The following MROH1 variants were observed in gnomAD, a reference collection of about 807,000 sequenced individuals.
MROH1 encodes maestro heat like repeat family member 1, also known as maestro heat-like repeat-containing protein family member 1.
In MROH1, 117 loss-of-function variants were observed where a neutral mutation model predicts 116.5. That is an observed-to-expected ratio of 1.00 (90% CI 0.86 to 1.17). The LOEUF is 1.17. MROH1 is among the 50% of genes most tolerant of loss of function. The pLI is 0.00. For missense variants in MROH1, 1,873 were observed against 1,338.5 expected (o/e 1.40, Z -6.23); for synonymous variants, 921 against 583.9 (o/e 1.58, Z -8.32).
intron 4 of MROH1, among the ~76,000 whole-genome samples, 185 bp downstream of exon 4, chr8:144,168,625 T>TG (rs568453335): frequency 2.6e-3 from 392 of 152,186 alleles, no homozygotes; most frequent in African/African-American, 9.2e-3. Flanking sequence ...TCATCATGAG[T>TG]GGGGTATGGC....
chr8:144,259,476 G>A (rs1844558278), intron 37 of MROH1, 122 bp downstream of exon 37: 1 of 692,568 alleles, frequency 1.4e-6, no homozygotes, highest in Non-Finnish European at 2.6e-6. Flanking sequence ...GGGAGGTTAT[G>A]TGGATGCTAG....
intron 15 of MROH1, 29 bp downstream of exon 15, chr8:144,238,892 G>T: frequency 1.3e-6 from 1 of 770,476 alleles, no homozygotes. Flanking sequence ...TCCCTGCCTG[G>T]CGACAACAGA....
At chr8:144,150,544 C>A (rs1300139465) in intron 1 of MROH1, among the ~76,000 whole-genome samples, 1 of 152,366 alleles carries the variant, frequency 6.6e-6, no homozygotes, top group South Asian at 2.1e-4. Flanking sequence ...CCCCTGTCCT[C>A]AGCACGTCAG....
intron 4 of MROH1, among the ~76,000 whole-genome samples, chr8:144,169,914 A>G (rs535180034): frequency 3.7e-4 from 57 of 152,264 alleles, no homozygotes; most frequent in African/African-American, 1.1e-3. Flanking sequence ...GCTCACTGCA[A>G]CCTCCACCTC....
At chr8:144,174,763 G>A (rs1300123541) in intron 4 of MROH1, 3 of 910,174 alleles carry the variant, frequency 3.3e-6, no homozygotes, top group Admixed American at 6.2e-5. Flanking sequence ...GGTTACAGGT[G>A]TGAGCCACTG....
In MROH1 at chr8:144,243,545, G is replaced by A. The variant is rs1222891627; in HGVS notation, c.2404G>A (p.Ala802Thr). The change falls in exon 25 of 44, where the codon GCC becomes ACC. Residue 802 changes from alanine (A) to threonine (T), a missense_variant. Ala to Thr is a moderately conservative substitution (Grantham distance 58). Coordinates refer to ENST00000326134, the MANE Select transcript of MROH1 (RefSeq NM_032450.3). ...LVQSVCMVSR[A>T]ICSSTQAGSF... ...CCAGAGTGTGTGCATGGTCAGCCGCGCCATCTGCAGCAGCACCCAGGCTGG... is the reference window on the plus strand; with the variant it reads ...CCAGAGTGTGTGCATGGTCAGCCGCACCATCTGCAGCAGCACCCAGGCTGG... 9 of 780,062 alleles carry A rather than the reference G, an allele frequency of 1.2e-5. No homozygotes were observed. The highest frequency in any genetic ancestry group is 3.4e-5 in the African/African-American group (2 of 59,142). 48.3% of individuals were successfully genotyped at this position (780,062 alleles called of 1,614,324 possible).
intron 10 of MROH1, chr8:144,193,230 G>A (rs919888767): frequency 2.0e-5 from 3 of 152,620 alleles, no homozygotes; most frequent in Admixed American, 6.5e-5. Flanking sequence ...GTATGAAATG[G>A]TTAGGTTCCT....
rs1841176730 is a variant in MROH1 at position 144,242,476 on chromosome 8, A to G, written c.2286A>G (p.Ser762=). ...AGCTGGTGCTGGCCAAGGTAGAGTC[A>G]GACATCCTCCGGAACATCTGCCAGC... is the stretch of plus-strand genomic sequence containing the variant. ...PRELVLAKVE[S]DILRNICQHF... is the part of the protein sequence containing the mutation. The change falls in exon 23 of 44, where the codon TCA becomes TCG. Residue 762 remains serine (S), a synonymous_variant. Transcript: ENST00000326134. The G allele has an allele frequency of 1.0e-5, 8 of 780,600 alleles. No individual in the cohort carries two copies. The highest frequency in any genetic ancestry group is 1.7e-5 in the African/African-American group (1 of 59,162). 48.4% of individuals were successfully genotyped at this position (780,600 alleles called of 1,614,324 possible).
At position 144,148,052 on chromosome 8, in the gene MROH1, G is replaced by A. The variant is rs1800517010; in HGVS notation, c.-201G>A. ...CTGCTGGGCGGGAAGGCGGCGCCCCGGCCGAGGTGGCGGCGGCTCCTCAGG... is the reference window on the plus strand; with the variant it reads ...CTGCTGGGCGGGAAGGCGGCGCCCCAGCCGAGGTGGCGGCGGCTCCTCAGG... On this transcript the variant is annotated 5_prime_UTR_variant, in exon 1 of 44. Coordinates refer to ENST00000326134, the MANE Select transcript of MROH1 (RefSeq NM_032450.3). The A allele has an allele frequency of 1.3e-5, 2 of 152,238 alleles. No homozygotes were observed. Among genetic ancestry groups the A allele is most frequent in the African/African-American group, 2.4e-5 (1 of 41,432 alleles). 9.4% of individuals were successfully genotyped at this position (152,238 alleles called of 1,614,324 possible). A position where few individuals can be genotyped will look rare whatever the true frequency, so the allele number is the denominator to read the frequency against.
chr8:144,250,363 A>C lies in MROH1; in HGVS notation c.3425A>C (p.Asp1142Ala), dbSNP rs2133157105. Residue 1142 changes from aspartate (D) to alanine (A), a missense_variant, in exon 33 of 44, where the codon GAC (aspartate) becomes GCC (alanine). By Grantham distance (126) the Asp-to-Ala change is moderately radical. Coordinates refer to ENST00000326134, the MANE Select transcript of MROH1 (RefSeq NM_032450.3). ...CTCCTGGGCAGCCCCTTGCCCTTGG[A>C]CAGGTACCCAGCTCAGACTCCAGGC... ...SSLLGSPLPL[D>A]SHTCMLWRAL... 2.6e-6 allele frequency: 2 copies of C among 762,770 alleles called. No homozygotes were observed. The highest frequency in any genetic ancestry group is 4.9e-5 in the East Asian group (2 of 40,634). The allele number at this position is 762,770 out of a possible 1,614,324, so 47.3% of individuals were successfully genotyped here. A position where few individuals can be genotyped will look rare whatever the true frequency, so the allele number is the denominator to read the frequency against.
chr8:144,153,246 A>C (rs1296881205), intron 1 of MROH1, among the ~76,000 whole-genome samples: 9 of 151,382 alleles, frequency 5.9e-5, no homozygotes, highest in African/African-American at 2.2e-4. Flanking sequence ...GCCCAGGCTG[A>C]AGTGTAATGG....
chr8:144,224,294 G>T (rs890422665), intron 14 of MROH1, among the ~76,000 whole-genome samples: 1 of 152,092 alleles, frequency 6.6e-6, no homozygotes. Flanking sequence ...TTTTGAGACA[G>T]GGTCTCGCTC....
rs1297106821 is a variant in MROH1 at position 144,182,150 on chromosome 8, G to A, written c.562+1627G>A. Among the ~76,000 whole-genome samples the A allele has an allele frequency of 6.7e-6, 1 of 149,588 alleles. No individual in the cohort carries two copies. On this transcript the variant is annotated intron_variant, in intron 7 of 43. Coordinates refer to ENST00000326134, the MANE Select transcript of MROH1 (RefSeq NM_032450.3). The surrounding 1 kb of genome is among the most constrained non-coding windows in gnomAD (Gnocchi z 4.1). ...GGGGCCAGAGGAAGCCGTATCAACC[G>A]GGTGAGGCCTAGTGGTGGGGGCGGT...
chr8:144,185,123 C>T (rs1417034895), intron 7 of MROH1, among the ~76,000 whole-genome samples: 15 of 152,188 alleles, frequency 9.9e-5, no homozygotes, highest in Admixed American at 9.2e-4. Flanking sequence ...TGCAGTGTTG[C>T]AGTCCCAGGA....
In MROH1 at chr8:144,220,595, T is replaced by A; in HGVS notation, c.1142-5T>A. The A allele has an allele frequency of 6.4e-7, 1 of 1,567,892 alleles. No homozygotes were observed. The highest frequency in any genetic ancestry group is 8.6e-7 in the Non-Finnish European group (1 of 1,156,220). On this transcript the variant is annotated splice_region_variant and splice_polypyrimidine_tract_variant and intron_variant, in intron 12 of 43. Coordinates refer to ENST00000326134, the MANE Select transcript of MROH1 (RefSeq NM_032450.3). ...AGGCTGAGCTGTCCTGTTTGTTTCT[T>A]GCAGCTGCTCAGATGGAAGATAAAA...
Position 144,168,336 on chromosome 8 carries a change from C to A in MROH1, c.64C>A (p.Pro22Thr), listed in dbSNP as rs374952645. The stretch of plus-strand genomic sequence containing the variant: ...GCTGGACGCCATCACCGATAAGGAC[C>A]CCCTGGTGCAGGAGCAGGTCTGCAG... Reference protein sequence around the residue: ...TLLDAITDKDPLVQEQVCSAL... With the variant: ...TLLDAITDKDTLVQEQVCSAL... The change falls in exon 4 of 44, where the codon CCC (proline) becomes ACC (threonine). Residue 22 changes from proline to threonine, a missense_variant. By Grantham distance (38) the Pro-to-Thr change is conservative. Coordinates refer to ENST00000326134, the MANE Select transcript of MROH1 (RefSeq NM_032450.3). 2.5e-6 allele frequency: 4 copies of A among 1,610,190 alleles called. No homozygotes were observed. The highest frequency in any genetic ancestry group is 3.4e-6 in the Non-Finnish European group (4 of 1,179,552).
chr8:144,243,452 A>G lies in MROH1; in HGVS notation c.2353-42A>G, dbSNP rs909438579. Reference sequence around the variant, plus strand: ...GGGGTATGCGCGGGTTCAGCCCTGGAGGGCGGGCGTGGGCGTCTCCTGTAG... The same window carrying G: ...GGGGTATGCGCGGGTTCAGCCCTGGGGGGCGGGCGTGGGCGTCTCCTGTAG... On this transcript the variant is annotated intron_variant, in intron 24 of 43. Transcript: ENST00000326134. 658 of 776,256 alleles carry G rather than the reference A, an allele frequency of 8.5e-4. 9 individuals are homozygous for G. In the East Asian group the frequency reaches 0.015, roughly 18 times the overall value. 48.1% of individuals were successfully genotyped at this position (776,256 alleles called of 1,614,324 possible).
chr8:144,176,907 G>A (rs1824125329), intron 4 of MROH1, among the ~76,000 whole-genome samples: 1 of 152,106 alleles, frequency 6.6e-6, no homozygotes, highest in Non-Finnish European at 1.5e-5. Context: ...GGGAAAGGGA[G>A]TCATGTGTAG....
intron 10 of MROH1, among the ~76,000 whole-genome samples, chr8:144,197,024 G>A (rs1402926965): frequency 6.6e-6 from 1 of 152,128 alleles, no homozygotes; most frequent in East Asian, 1.9e-4. Context: ...GAACCCAGGA[G>A]GCGGAGGTTG....
Sources: allele counts gnomAD v4.1 joint callset (sites outside exome capture counted in the v4.1 genomes callset), GRCh38; gene constraint gnomAD v4.1.1; non-coding constraint Gnocchi (gnomAD v3.1); transcripts MANE v1.5; gene names NCBI Gene and HGNC (gene_info 2026-07-23, HGNC 2026-07-21).